The following DPP10 variants were observed in gnomAD, a reference collection of about 807,000 sequenced individuals.
DPP10 encodes the protein dipeptidyl peptidase like 10.
A neutral mutation model predicts 120.9 loss-of-function variants in DPP10; 33 were observed. The observed-to-expected ratio is 0.27, with a 90% CI of 0.21 to 0.37. The LOEUF (loss-of-function observed/expected upper bound fraction) is 0.37. DPP10 is among the 10% of genes least tolerant of loss of function. The pLI is 1.00. For synonymous variants in DPP10, 337 were observed against 326.1 expected (o/e 1.03, Z -0.36); for missense variants, 816 against 942.8 (o/e 0.87, Z 1.76).
chr2:115,550,720 G>A (rs959679912), intron 5 of DPP10, among the ~76,000 whole-genome samples: 1 of 152,122 alleles, frequency 6.6e-6, no homozygotes, highest in East Asian at 1.9e-4. Context: ...AGCTGGTTCA[G>A]ACTCTCTATT....
At chr2:114,500,759 C>T (rs1683087639) in intron 1 of DPP10, among the ~76,000 whole-genome samples, 2 of 152,174 alleles carry the variant, frequency 1.3e-5, no homozygotes, top group Admixed American at 1.3e-4. Flanking sequence ...GAAACAAAAT[C>T]ATTGAATCTG....
chr2:115,316,815 G>A (rs2061816770), intron 2 of DPP10, among the ~76,000 whole-genome samples: 1 of 152,132 alleles, frequency 6.6e-6, no homozygotes, highest in Admixed American at 6.6e-5. Context: ...TTCCATAAAA[G>A]CGAGAGTTAT....
intron 1 of DPP10, among the ~76,000 whole-genome samples, chr2:115,277,994 A>G (rs1205097889): frequency 6.6e-6 from 1 of 152,188 alleles, no homozygotes; most frequent in Non-Finnish European, 1.5e-5. Context: ...TCACACTTAC[A>G]AATGGGTGTT....
chr2:115,643,532 G>T (rs1301750905), intron 5 of DPP10, among the ~76,000 whole-genome samples: 1 of 152,178 alleles, frequency 6.6e-6, no homozygotes, highest in Non-Finnish European at 1.5e-5. Flanking sequence ...TAAAACAAAA[G>T]GTTAGGTGTC....
intron 1 of DPP10, among the ~76,000 whole-genome samples, chr2:114,501,042 G>A (rs184793578): frequency 6.6e-6 from 1 of 152,284 alleles, no homozygotes; most frequent in Non-Finnish European, 1.5e-5. Context: ...ACAAAGATGA[G>A]CAGTCACTTA....
At chr2:115,727,712 A>G in intron 7 of DPP10, 104 bp from the exon 8 acceptor site, 1 of 1,286,474 alleles carries the variant, frequency 7.8e-7, no homozygotes, top group Non-Finnish European at 1.0e-6. Context: ...TGAAGCCCGT[A>G]AATAATACAA....
At chr2:115,139,807 A>G (rs1046822888) in intron 1 of DPP10, among the ~76,000 whole-genome samples, 8 of 151,468 alleles carry the variant, frequency 5.3e-5, no homozygotes, top group African/African-American at 1.9e-4. Flanking sequence ...CTGATGATAC[A>G]TGAATCAGCC....
chr2:115,607,665 G>T (rs2083788587), intron 5 of DPP10, among the ~76,000 whole-genome samples: 1 of 152,100 alleles, frequency 6.6e-6, no homozygotes. Flanking sequence ...TGTTCCATTA[G>T]ATTGTATGCT....
chr2:114,564,035 C>T (rs1299681445), intron 1 of DPP10, among the ~76,000 whole-genome samples: 1 of 152,154 alleles, frequency 6.6e-6, no homozygotes, highest in Non-Finnish European at 1.5e-5. Context: ...GCCACAATGT[C>T]CTCCTTCGCC....
chr2:115,810,087 G>A (rs912362880), intron 19 of DPP10, among the ~76,000 whole-genome samples: 2 of 151,908 alleles, frequency 1.3e-5, no homozygotes, highest in Admixed American at 6.6e-5. Flanking sequence ...TGCTGAACCC[G>A]GGAGGCGGAT....
At chr2:114,663,658 TATATATATATAGAGAGAG>T (rs1697638557) in intron 1 of DPP10, among the ~76,000 whole-genome samples, 1 of 91,228 alleles carries the variant, frequency 1.1e-5, no homozygotes, top group Non-Finnish European at 1.9e-5. Context: ...TATATATATA[TATATATATATAGAGAGAG>T]AGAGAGAGAG....
At chr2:115,428,123 T>C (rs1269996826) in intron 3 of DPP10, among the ~76,000 whole-genome samples, 1 of 152,176 alleles carries the variant, frequency 6.6e-6, no homozygotes, top group Admixed American at 6.5e-5. Flanking sequence ...ATCTGAAACC[T>C]CAGCAGCCTG....
intron 1 of DPP10, among the ~76,000 whole-genome samples, chr2:114,525,652 CACTT>C (rs1558844437): frequency 6.6e-6 from 1 of 152,140 alleles, no homozygotes; most frequent in Non-Finnish European, 1.5e-5. Context: ...TTGATTTTAT[CACTT>C]ACTGTGATTT....
chr2:114,755,943 G>A (rs1260474959), intron 1 of DPP10, among the ~76,000 whole-genome samples: 13 of 113,002 alleles, frequency 1.2e-4, no homozygotes, highest in Admixed American at 9.2e-4. Flanking sequence ...ACAGTGCTAG[G>A]AAGAAATTAA....
chr2:115,205,937 C>T (rs1016638830), intron 1 of DPP10, among the ~76,000 whole-genome samples: 1 of 152,072 alleles, frequency 6.6e-6, no homozygotes, highest in African/African-American at 2.4e-5. Flanking sequence ...GTGCTCACTA[C>T]CTGGGTGATG....
intron 1 of DPP10, among the ~76,000 whole-genome samples, chr2:115,187,971 GA>G (rs1328184051): frequency 6.6e-6 from 1 of 152,056 alleles, no homozygotes; most frequent in Non-Finnish European, 1.5e-5. Context: ...AGTGAGCTGA[GA>G]TAGTGCCACT....
chr2:114,696,480 C>T (rs1430022251), intron 1 of DPP10, among the ~76,000 whole-genome samples: 2 of 152,128 alleles, frequency 1.3e-5, no homozygotes, highest in East Asian at 3.9e-4. Context: ...TTATTTGCAG[C>T]TGAAGCTATT....
intron 5 of DPP10, among the ~76,000 whole-genome samples, chr2:115,530,014 A>G (rs932378058): frequency 3.3e-5 from 5 of 152,170 alleles, no homozygotes; most frequent in African/African-American, 1.2e-4. Flanking sequence ...TATAATTAAC[A>G]ATATAAACAT....
chr2:114,879,213 C>G (rs1049831728), intron 1 of DPP10, among the ~76,000 whole-genome samples: 7 of 151,404 alleles, frequency 4.6e-5, no homozygotes, highest in African/African-American at 1.5e-4. Context: ...TTATTAAACA[C>G]TACTGTCAGG....
Sources: allele counts gnomAD v4.1 joint callset (sites outside exome capture counted in the v4.1 genomes callset), GRCh38; gene constraint gnomAD v4.1.1; transcripts MANE v1.5; gene names NCBI Gene and HGNC (gene_info 2026-07-23, HGNC 2026-07-21).